NCEH1: variants seen among roughly 807,000 people sequenced by gnomAD.
The protein encoded by NCEH1 is 2-acetyl MAGE hydrolase.
Under a neutral mutation model 25.4 loss-of-function variants are expected in NCEH1, and 9 were observed. The observed-to-expected ratio is 0.35, with a 90% CI of 0.21 to 0.62. The LOEUF (loss-of-function observed/expected upper bound fraction) is 0.62. NCEH1 is among the 20% of genes least tolerant of loss of function. The pLI, the probability that NCEH1 is intolerant of heterozygous loss-of-function variation, is 0.72. For missense variants in NCEH1, 412 were observed against 501.1 expected (o/e 0.82, Z 1.70); for synonymous variants, 200 against 199.8 (o/e 1.00, Z -0.01).
chr3:172,631,731 T>C lies in NCEH1; in HGVS notation c.*1744A>G, dbSNP rs894935021. ...GGCTCATACAATACATCAATAAGTATGCAACTTTTCATTTGTTATTTCGTT... is the reference window on the plus strand; with the variant it reads ...GGCTCATACAATACATCAATAAGTACGCAACTTTTCATTTGTTATTTCGTT... On this transcript the variant is annotated 3_prime_UTR_variant, in exon 5 of 5. Coordinates refer to ENST00000475381, the MANE Select transcript of NCEH1 (RefSeq NM_020792.6). The C allele has an allele frequency of 5.2e-5, 8 of 152,592 alleles. No individual in the cohort carries two copies. The highest frequency in any genetic ancestry group is 7.3e-5 in the Non-Finnish European group (5 of 68,042). 9.5% of individuals were successfully genotyped at this position (152,592 alleles called of 1,614,324 possible). A position where few individuals can be genotyped will look rare whatever the true frequency, so the allele number is the denominator to read the frequency against.
intron 1 of NCEH1, among the ~76,000 whole-genome samples, chr3:172,700,642 G>A (rs911156336): frequency 2.0e-5 from 3 of 152,078 alleles, no homozygotes; most frequent in African/African-American, 7.2e-5. Context: ...CTGAGATCAT[G>A]TGCCACCACA....
intron 1 of NCEH1, among the ~76,000 whole-genome samples, chr3:172,667,293 G>A (rs1023205501): frequency 5.9e-5 from 9 of 152,230 alleles, no homozygotes; most frequent in African/African-American, 2.2e-4. Flanking sequence ...AAGTACGGAA[G>A]TTAACCAGAA....
At chr3:172,662,841 T>C (rs1718031174) in intron 1 of NCEH1, among the ~76,000 whole-genome samples, 2 of 131,274 alleles carry the variant, frequency 1.5e-5, no homozygotes, top group African/African-American at 3.6e-5. Context: ...TTGCATCTAT[T>C]TGATTCTTCT....
At chr3:172,710,755 C>G in intron 1 of NCEH1, 92 bp downstream of exon 1, 1 of 1,454,876 alleles carries the variant, frequency 6.9e-7, no homozygotes, top group African/African-American at 1.4e-5. Flanking sequence ...GAAAAACCTG[C>G]GTTTTCGTGG....
At chr3:172,645,252 C>G (rs1417689236) in intron 3 of NCEH1, among the ~76,000 whole-genome samples, 1 of 152,092 alleles carries the variant, frequency 6.6e-6, no homozygotes, top group East Asian at 1.9e-4. Context: ...GAACCTGACT[C>G]TAAGAGAGCA....
At chr3:172,670,085 T>C (rs1363244476) in intron 1 of NCEH1, among the ~76,000 whole-genome samples, 2 of 152,252 alleles carry the variant, frequency 1.3e-5, no homozygotes, top group Non-Finnish European at 2.9e-5. Context: ...GGATAGTTTT[T>C]TTCACACTGT....
At chr3:172,678,849 A>G (rs182585203) in intron 1 of NCEH1, among the ~76,000 whole-genome samples, 243 of 152,316 alleles carry the variant, frequency 1.6e-3, no homozygotes, top group African/African-American at 5.5e-3. Flanking sequence ...CCCGTTTGAA[A>G]TGCTTGTTCC....
At chr3:172,673,189 G>A (rs1327499736) in intron 1 of NCEH1, among the ~76,000 whole-genome samples, 1 of 152,202 alleles carries the variant, frequency 6.6e-6, no homozygotes, top group African/African-American at 2.4e-5. Context: ...CTCAACCTTA[G>A]TTGTGGTTAG....
intron 1 of NCEH1, among the ~76,000 whole-genome samples, chr3:172,688,684 C>CT (rs1712845630): frequency 6.6e-6 from 1 of 152,090 alleles, no homozygotes; most frequent in South Asian, 2.1e-4. Flanking sequence ...CCTCCTCACC[C>CT]TTCACCAGGA....
At chr3:172,675,702 C>T (rs1410737406) in intron 1 of NCEH1, among the ~76,000 whole-genome samples, 2 of 152,160 alleles carry the variant, frequency 1.3e-5, no homozygotes, top group East Asian at 1.9e-4. Context: ...TCTCTAATGG[C>T]AAGTCAAGGG....
intron 1 of NCEH1, among the ~76,000 whole-genome samples, chr3:172,664,448 T>A (rs1718112676): frequency 6.6e-6 from 1 of 152,206 alleles, no homozygotes; most frequent in Admixed American, 6.5e-5. Flanking sequence ...TTGGGGTTGC[T>A]CTTCACGAGG....
chr3:172,651,855 G>A (rs1717419911), intron 1 of NCEH1, among the ~76,000 whole-genome samples: 1 of 152,074 alleles, frequency 6.6e-6, no homozygotes, highest in Non-Finnish European at 1.5e-5. Context: ...CACCGCGCCC[G>A]GCCGAGAATC....
At chr3:172,703,051 A>G (rs529907967) in intron 1 of NCEH1, 1 of 152,306 alleles carries the variant, frequency 6.6e-6, no homozygotes, top group African/African-American at 2.4e-5. Flanking sequence ...TTCATTCTAT[A>G]TAAACATAAA....
At chr3:172,636,109 T>A (rs758512181) in intron 3 of NCEH1, 22 bp from the exon 4 acceptor site, 3 of 1,596,006 alleles carry the variant, frequency 1.9e-6, no homozygotes, top group Non-Finnish European at 2.6e-6. Context: ...AAAGTTGTAT[T>A]CATTTAAGGC....
intron 2 of NCEH1, among the ~76,000 whole-genome samples, chr3:172,646,927 A>T (rs1717143977): frequency 6.6e-6 from 1 of 152,154 alleles, no homozygotes; most frequent in Non-Finnish European, 1.5e-5. Flanking sequence ...ACTTGCCCAC[A>T]ACTGTTTGAG....
intron 1 of NCEH1, among the ~76,000 whole-genome samples, chr3:172,652,225 T>C (rs1045528115): frequency 2.0e-5 from 3 of 152,216 alleles, no homozygotes; most frequent in African/African-American, 7.2e-5. Flanking sequence ...AATGATTCTG[T>C]GTGCCCAGTG....
intron 1 of NCEH1, among the ~76,000 whole-genome samples, chr3:172,698,451 G>A (rs1234155051): frequency 1.3e-5 from 2 of 152,172 alleles, no homozygotes; most frequent in Non-Finnish European, 1.5e-5. Context: ...GAAACAGTGA[G>A]ATACACATCT....
chr3:172,637,615 G>A (rs1716651912), intron 3 of NCEH1, among the ~76,000 whole-genome samples: 1 of 152,076 alleles, frequency 6.6e-6, no homozygotes, highest in Non-Finnish European at 1.5e-5. Flanking sequence ...AGGGCCAGGT[G>A]CGGTGGCTTA....
chr3:172,668,504 G>GCCA (rs1238572716), intron 1 of NCEH1, among the ~76,000 whole-genome samples: 2 of 151,908 alleles, frequency 1.3e-5, no homozygotes, highest in African/African-American at 4.8e-5. Flanking sequence ...ACAGGCACCT[G>GCCA]CCACCACACC....
Sources: allele counts gnomAD v4.1 joint callset (sites outside exome capture counted in the v4.1 genomes callset), GRCh38; gene constraint gnomAD v4.1.1; transcripts MANE v1.5; gene names NCBI Gene and HGNC (gene_info 2026-07-23, HGNC 2026-07-21).